RSPH6A: variants seen among roughly 807,000 people sequenced by gnomAD.
RSPH6A encodes the protein radial spoke head 6 homolog A.
A neutral mutation model predicts 66.1 loss-of-function variants in RSPH6A; 49 were observed. The observed-to-expected ratio is 0.74, with a 90% confidence interval of 0.59 to 0.94. The LOEUF is 0.94. Ranked by LOEUF, RSPH6A falls within the 40% of genes least tolerant of loss-of-function variation. The pLI, the probability that RSPH6A is intolerant of heterozygous loss-of-function variation, is 0.00. For missense variants in RSPH6A, 977 were observed against 948.3 expected (o/e 1.03, Z -0.40); for synonymous variants, 419 against 402.4 (o/e 1.04, Z -0.49).
chr19:45,802,754 G>T (rs560286296), intron 3 of RSPH6A, among the ~76,000 whole-genome samples: 1 of 150,420 alleles, frequency 6.6e-6, no homozygotes, highest in South Asian at 2.1e-4. Context: ...TGATCCACCC[G>T]CCTTGGCCTC....
At position 45,805,001 on chromosome 19, in the gene RSPH6A, G is replaced by T; in HGVS notation, c.904C>A (p.Pro302Thr). 1 of 1,610,560 alleles carries T rather than the reference G, an allele frequency of 6.2e-7. No individual in the cohort carries two copies. The highest frequency in any genetic ancestry group is 1.1e-5 in the South Asian group (1 of 91,052). The stretch of plus-strand genomic sequence containing the variant: ...TAGAAGGCAGTCTCCATGATGTTGG[G>T]CACTGGTGTCTCCCCCTGCGCAGGG... ...MEEEVGETPV[P>T]NIMETAFYFE... Residue 302 changes from proline (P) to threonine (T), a missense_variant, in exon 3 of 6, where the codon CCC (proline) becomes ACC (threonine). Physicochemically the swap from Pro to Thr is conservative, Grantham distance 38. Transcript: ENST00000221538.
chr19:45,814,610 C>CACCT lies in RSPH6A; in HGVS notation c.563_566dup (p.Pro190GlyfsTer3), dbSNP rs771209949. The CACCT allele has an allele frequency of 6.3e-7, 1 of 1,581,614 alleles. No homozygotes were observed. The highest frequency in any genetic ancestry group is 1.8e-5 in the Admixed American group (1 of 54,770). Reference sequence around the variant, plus strand: ...CCAGCTCCAGAGGCTCGGGCTCAGGCACCTGGGCACTGTAGTGTGGGAAGC... The same window carrying CACCT: ...CCAGCTCCAGAGGCTCGGGCTCAGGCACCTACCTGGGCACTGTAGTGTGGGAAGC... On this transcript the variant is annotated frameshift_variant, in exon 1 of 6. Coordinates refer to ENST00000221538, the MANE Select transcript of RSPH6A (RefSeq NM_030785.4). LOFTEE classifies it high-confidence loss of function.
chr19:45,808,774 G>T (rs1284451692), intron 2 of RSPH6A, among the ~76,000 whole-genome samples: 4 of 139,278 alleles, frequency 2.9e-5, no homozygotes, highest in Non-Finnish European at 6.1e-5. Context: ...CCATTCTCCC[G>T]CCTCAGCCTC....
chr19:45,801,257 C>A (rs779857023), intron 4 of RSPH6A, among the ~76,000 whole-genome samples: 2 of 152,194 alleles, frequency 1.3e-5, no homozygotes, highest in Admixed American at 1.3e-4. Flanking sequence ...GTGCCTGGCG[C>A]CCAGCAGGGC....
At chr19:45,798,378 A>G (rs543191709) in intron 5 of RSPH6A, among the ~76,000 whole-genome samples, 6 of 151,934 alleles carry the variant, frequency 3.9e-5, no homozygotes, top group African/African-American at 1.4e-4. Context: ...GAAAAAAGAA[A>G]AAATTTAAAA....
intron 5 of RSPH6A, among the ~76,000 whole-genome samples, chr19:45,797,928 G>T (rs970935642): frequency 2.0e-5 from 3 of 152,026 alleles, no homozygotes; most frequent in Non-Finnish European, 4.4e-5. Flanking sequence ...GACTGATAAT[G>T]AACAAGGAGG....
At chr19:45,811,151 G>A (rs1011645262) in intron 1 of RSPH6A, among the ~76,000 whole-genome samples, 41 of 151,996 alleles carry the variant, frequency 2.7e-4, no homozygotes, top group Admixed American at 3.3e-4. Flanking sequence ...CCGCCACCAC[G>A]CCTGGTTACT....
chr19:45,813,340 G>A (rs941441628), intron 1 of RSPH6A, among the ~76,000 whole-genome samples: 1 of 151,994 alleles, frequency 6.6e-6, no homozygotes, highest in South Asian at 2.1e-4. Context: ...GGCCTTCACT[G>A]ACCCACACAA....
At chr19:45,805,107 C>G (rs1447047392) in intron 2 of RSPH6A, 91 bp from the exon 3 acceptor site, 1 of 1,158,290 alleles carries the variant, frequency 8.6e-7, no homozygotes, top group Non-Finnish European at 1.2e-6. Flanking sequence ...GTCAAGAGAG[C>G]TAAAAGAGGC....
Position 45,800,552 on chromosome 19 carries a change from G to A in RSPH6A, c.1810C>T (p.Leu604=), listed in dbSNP as rs1970458279. Residue 604 remains leucine, a synonymous_variant, in exon 5 of 6, where the codon CTG becomes TTG. Coordinates refer to ENST00000221538, the MANE Select transcript of RSPH6A (RefSeq NM_030785.4). The stretch of plus-strand genomic sequence containing the variant: ...GACAGGCGGGTGGTCCAGGGTGCCA[G>A]GTGCATGATTTCTGTGGTGGAGAGG... ...PLSEDAEIMH[L]APWTTRLSCS... The A allele has an allele frequency of 3.7e-6, 6 of 1,611,652 alleles. No homozygotes were observed. The highest frequency in any genetic ancestry group is 1.7e-4 in the Middle Eastern group (1 of 5,954).
chr19:45,797,241 G>A (rs975353632), intron 5 of RSPH6A, among the ~76,000 whole-genome samples: 4 of 151,842 alleles, frequency 2.6e-5, no homozygotes, highest in Non-Finnish European at 5.9e-5. Flanking sequence ...TCAGTGGGGC[G>A]TGGTGGCAGG....
intron 1 of RSPH6A, 71 bp downstream of exon 1, chr19:45,814,456 A>T: frequency 7.3e-7 from 1 of 1,376,806 alleles, no homozygotes; most frequent in Non-Finnish European, 9.7e-7. Flanking sequence ...TGACTGACTG[A>T]GGCAGGCACT....
chr19:45,810,830 G>C lies in RSPH6A; in HGVS notation c.661C>G (p.Leu221Val), dbSNP rs1268317588. The C allele has an allele frequency of 6.2e-7, 1 of 1,609,472 alleles. No homozygotes were observed. Among genetic ancestry groups the C allele is most frequent in the African/African-American group, 1.3e-5 (1 of 74,956 alleles). ...INCDLSLYEH[L>V]VNLLTKILNQ... ...AGGATCTTGGTCAGCAGATTCACCA[G>C]GTGCTCGTACCTGCCTCCCGCAGGA... is the stretch of plus-strand genomic sequence containing the variant. The change falls in exon 2 of 6, where the codon CTG becomes GTG. Residue 221 changes from leucine (L) to valine (V), a missense_variant. Leu to Val is a conservative substitution (Grantham distance 32). Coordinates refer to ENST00000221538, the MANE Select transcript of RSPH6A (RefSeq NM_030785.4).
intron 1 of RSPH6A, among the ~76,000 whole-genome samples, chr19:45,812,515 TAAG>T (rs1444700101): frequency 6.6e-6 from 1 of 151,944 alleles, no homozygotes; most frequent in Non-Finnish European, 1.5e-5. Context: ...TTGGGAAGGG[TAAG>T]AAGAGGTGAG....
chr19:45,814,264 C>G (rs1434404528), intron 1 of RSPH6A, among the ~76,000 whole-genome samples: 1 of 152,214 alleles, frequency 6.6e-6, no homozygotes, highest in Non-Finnish European at 1.5e-5. Context: ...CCCAACTTCT[C>G]TGTGTCTCGG....
chr19:45,813,468 C>T (rs931887692), intron 1 of RSPH6A, among the ~76,000 whole-genome samples: 3 of 152,222 alleles, frequency 2.0e-5, no homozygotes, highest in South Asian at 2.1e-4. Context: ...CTCAACCTCC[C>T]GAGGAGCTGG....
intron 2 of RSPH6A, 74 bp from the exon 3 acceptor site, chr19:45,805,090 T>A: frequency 7.5e-7 from 1 of 1,332,860 alleles, no homozygotes; most frequent in Non-Finnish European, 1.0e-6. Flanking sequence ...TTCCAGACTC[T>A]TCTAGAGTCA....
chr19:45,805,084 A>G (rs934716870), intron 2 of RSPH6A, 68 bp from the exon 3 acceptor site: 3 of 1,359,856 alleles, frequency 2.2e-6, no homozygotes, highest in Middle Eastern at 1.8e-4. Context: ...TACCTCTTCC[A>G]GACTCTTCTA....
chr19:45,814,675 T>A lies in RSPH6A; in HGVS notation c.502A>T (p.Arg168Trp). ...SEGAQHGPYI[R>W]DDPALQFLPS... is the part of the protein sequence containing the mutation. The stretch of plus-strand genomic sequence containing the variant: ...AAGAACTGAAGGGCAGGGTCATCCC[T>A]TATGTAAGGCCCGTGCTGGGCACCT... The change falls in exon 1 of 6, where the codon AGG (arginine) becomes TGG (tryptophan). Residue 168 changes from arginine (R) to tryptophan (W), a missense_variant. By Grantham distance (101) the Arg-to-Trp change is moderately radical. Coordinates refer to ENST00000221538, the MANE Select transcript of RSPH6A (RefSeq NM_030785.4). The A allele has an allele frequency of 1.2e-6, 2 of 1,611,900 alleles. No homozygotes were observed. Among genetic ancestry groups the A allele is most frequent in the Non-Finnish European group, 1.7e-6 (2 of 1,178,828 alleles).
Sources: allele counts gnomAD v4.1 joint callset (sites outside exome capture counted in the v4.1 genomes callset), GRCh38; gene constraint gnomAD v4.1.1; transcripts MANE v1.5; gene names NCBI Gene and HGNC (gene_info 2026-07-23, HGNC 2026-07-21).